The following TRIP6 variants were observed in gnomAD, a reference collection of about 807,000 sequenced individuals.
TRIP6 encodes the protein thyroid receptor-interacting protein 6.
A neutral mutation model predicts 51.9 loss-of-function variants in TRIP6; 33 were observed. The ratio of observed to expected loss-of-function variants is 0.64; its 90% CI spans 0.48 to 0.85. The LOEUF (loss-of-function observed/expected upper bound fraction) is 0.85. Among genes scored for constraint, TRIP6 ranks in the 40% least tolerant of loss-of-function variants. TRIP6 has a pLI of 0.00. For synonymous variants in TRIP6, 255 were observed against 275.8 expected (o/e 0.92, Z 0.75); for missense variants, 661 against 652.1 (o/e 1.01, Z -0.15).
Position 100,867,933 on chromosome 7 carries a change from C to T in TRIP6, c.182C>T (p.Pro61Leu), listed in dbSNP as rs768187129. The change falls in exon 2 of 9, where the codon CCG (proline) becomes CTG (leucine). Residue 61 changes from proline to leucine, a missense_variant. Physicochemically the swap from Pro to Leu is moderately conservative, Grantham distance 98. Transcript: ENST00000200457. The surrounding 1 kb of genome is among the most constrained non-coding windows in gnomAD (Gnocchi z 5.4). ...CAGTGTTACCAGGCCCCAGGGGGACCGGAGGATCGGGGGCCGGCGTGGGTG... is the reference window on the plus strand; with the variant it reads ...CAGTGTTACCAGGCCCCAGGGGGACTGGAGGATCGGGGGCCGGCGTGGGTG... ...SEQCYQAPGG[P>L]EDRGPAWVGS... is the part of the protein sequence containing the mutation. 9.9e-6 allele frequency: 15 copies of T among 1,515,470 alleles called. No homozygotes were observed. The highest frequency in any genetic ancestry group is 4.7e-5 in the East Asian group (2 of 42,782). 93.9% of individuals were successfully genotyped at this position (1,515,470 alleles called of 1,614,324 possible). A position where few individuals can be genotyped will look rare whatever the true frequency, so the allele number is the denominator to read the frequency against.
chr7:100,871,795 C>CT, intron 7 of TRIP6, 74 bp downstream of exon 7: 1 of 1,523,202 alleles, frequency 6.6e-7, no homozygotes, highest in Admixed American at 1.9e-5. Flanking sequence ...TGCCCCAGGA[C>CT]TGTCTCTTCC....
At chr7:100,868,078 G>A (rs1266134752) in intron 2 of TRIP6, 30 bp from the exon 3 acceptor site, 2 of 1,609,898 alleles carry the variant, frequency 1.2e-6, no homozygotes, top group African/African-American at 2.7e-5. Flanking sequence ...ATGGTGATTT[G>A]CATTCTTCCT....
chr7:100,867,445 G>T lies in TRIP6; in HGVS notation c.-53G>T. The T allele has an allele frequency of 7.6e-7, 1 of 1,311,062 alleles. No homozygotes were observed. The allele number at this position is 1,311,062 out of a possible 1,614,324, so 81.2% of individuals were successfully genotyped here. Reference sequence around the variant, plus strand: ...GGTGCGGGACGGAAGAGGGGGTGAAGGCCAGAGGCTCGGGGCTTCAAGACC... The same window carrying T: ...GGTGCGGGACGGAAGAGGGGGTGAATGCCAGAGGCTCGGGGCTTCAAGACC... On this transcript the variant is annotated 5_prime_UTR_variant, in exon 1 of 9. It adds an upstream start codon to the 5' untranslated region. Transcript: ENST00000200457. The surrounding 1 kb of genome is among the most constrained non-coding windows in gnomAD (Gnocchi z 5.4).
At chr7:100,868,968 C>T in intron 4 of TRIP6, 102 bp downstream of exon 4, 2 of 1,362,932 alleles carry the variant, frequency 1.5e-6, no homozygotes, top group Non-Finnish European at 1.9e-6. Context: ...TTTTTTGAGA[C>T]AGAGTTTTGC....
Position 100,870,370 on chromosome 7 carries a change from G to A in TRIP6, c.736G>A (p.Val246Met), listed in dbSNP as rs1384160944. Residue 246 changes from valine (V) to methionine (M), a missense_variant and splice_region_variant, in exon 5 of 9, where the codon GTG (valine) becomes ATG (methionine). Val to Met is a conservative substitution (Grantham distance 21). Coordinates refer to ENST00000200457, the MANE Select transcript of TRIP6 (RefSeq NM_003302.3). ...RGRGGEHGPQ[V>M]PLSQPPEDEL... Reference sequence around the variant, plus strand: ...ACCGAGCCCGATTCCCACCTTCCAGGTGCCCCTGAGCCAGCCTCCAGAGGA... The same window carrying A: ...ACCGAGCCCGATTCCCACCTTCCAGATGCCCCTGAGCCAGCCTCCAGAGGA... The A allele has an allele frequency of 1.9e-6, 3 of 1,611,648 alleles. No individual in the cohort carries two copies.
At chr7:100,871,065 G>A in intron 6 of TRIP6, 3 of 526,268 alleles carry the variant, frequency 5.7e-6, no homozygotes, top group Admixed American at 2.3e-5. Context: ...AGACAGTCTC[G>A]CTCTGTTGCG....
chr7:100,871,879 A>G (rs1584719866), intron 7 of TRIP6, among the ~76,000 whole-genome samples, 158 bp downstream of exon 7: 1 of 152,192 alleles, frequency 6.6e-6, no homozygotes, highest in Non-Finnish European at 1.5e-5. Context: ...TCTGTTGCCC[A>G]GGCAGGAGTG....
chr7:100,867,905 G>C lies in TRIP6; in HGVS notation c.154G>C (p.Glu52Gln). The C allele has an allele frequency of 6.5e-7, 1 of 1,529,362 alleles. No homozygotes were observed. Among genetic ancestry groups the C allele is most frequent in the Non-Finnish European group, 8.7e-7 (1 of 1,146,788 alleles). The allele number at this position is 1,529,362 out of a possible 1,614,324, so 94.7% of individuals were successfully genotyped here. The change falls in exon 2 of 9, where the codon GAG (glutamate) becomes CAG (glutamine). Residue 52 changes from glutamate (E) to glutamine (Q), a missense_variant. Glu to Gln is a conservative substitution (Grantham distance 29, BLOSUM62 2). Coordinates refer to ENST00000200457, the MANE Select transcript of TRIP6 (RefSeq NM_003302.3). This position sits in a 1 kb window ranked among gnomAD's most constrained non-coding sequence, Gnocchi z 5.4. The stretch of plus-strand genomic sequence containing the variant: ...GGTCAATTTTTGCCCCCTTCCATCT[G>C]AGCAGTGTTACCAGGCCCCAGGGGG... ...PRVNFCPLPS[E>Q]QCYQAPGGPE...
chr7:100,869,719 G>GGCCA (rs898640253), intron 4 of TRIP6, among the ~76,000 whole-genome samples: 1 of 147,474 alleles, frequency 6.8e-6, no homozygotes, highest in Non-Finnish European at 1.5e-5. Flanking sequence ...GGAACTGCCT[G>GGCCA]GCCACCTTCA....
chr7:100,871,031 GGTTTT>G (rs377709455), intron 6 of TRIP6: 9,016 of 613,796 alleles, frequency 0.015, 122 homozygotes, highest in South Asian at 0.018. Context: ...ACTGATTCCT[GGTTTT>G]GTTTTTTGTT....
intron 4 of TRIP6, among the ~76,000 whole-genome samples, chr7:100,869,545 T>G (rs1283244479): frequency 1.4e-5 from 2 of 143,040 alleles, no homozygotes; most frequent in African/African-American, 5.3e-5. Context: ...GGCAGGAGAA[T>G]CACTTGAACC....
In TRIP6 at chr7:100,867,869, C is replaced by A; in HGVS notation, c.118C>A (p.Pro40Thr). The part of the protein sequence containing the change: ...PPPAHGAALQ[P>T]HPRVNFCPLP... ...CTCTTCCCTCAACCCAGCACTCCAG[C>A]CCCACCCCAGGGTCAATTTTTGCCC... is the stretch of plus-strand genomic sequence containing the variant. Residue 40 changes from proline to threonine, a missense_variant, in exon 2 of 9, where the codon CCC (proline) becomes ACC (threonine). Coordinates refer to ENST00000200457, the MANE Select transcript of TRIP6 (RefSeq NM_003302.3). This position sits in a 1 kb window ranked among gnomAD's most constrained non-coding sequence, Gnocchi z 5.4. 6.5e-7 allele frequency: 1 copy of A among 1,536,630 alleles called. No individual in the cohort carries two copies. The highest frequency in any genetic ancestry group is 1.3e-5 in the South Asian group (1 of 76,350).
chr7:100,872,490 G>A (rs1198836394), intron 7 of TRIP6, 134 bp from the exon 8 acceptor site: 19 of 1,362,358 alleles, frequency 1.4e-5, no homozygotes, highest in Middle Eastern at 2.7e-4. Flanking sequence ...CTTTGACATC[G>A]TCCCTTCCCC....
Position 100,867,496 on chromosome 7 carries a change from C to A in TRIP6, c.-2C>A. ...GCTGTCTGGAGTCCCCCTTTCCAGG[C>A]CATGTCGGGGCCCACCTGGCTGCCC... On this transcript the variant is annotated 5_prime_UTR_variant, in exon 1 of 9. Transcript: ENST00000200457. This position sits in a 1 kb window ranked among gnomAD's most constrained non-coding sequence, Gnocchi z 5.4. The A allele has an allele frequency of 2.7e-6, 4 of 1,480,018 alleles. No individual in the cohort carries two copies. The highest frequency in any genetic ancestry group is 3.6e-6 in the Non-Finnish European group (4 of 1,116,086). The allele number at this position is 1,480,018 out of a possible 1,614,324, so 91.7% of individuals were successfully genotyped here. A position where few individuals can be genotyped will look rare whatever the true frequency, so the allele number is the denominator to read the frequency against.
intron 6 of TRIP6, among the ~76,000 whole-genome samples, 165 bp from the exon 7 acceptor site, chr7:100,871,378 C>G (rs913763737): frequency 2.6e-5 from 4 of 152,178 alleles, no homozygotes; most frequent in African/African-American, 9.7e-5. Context: ...GTGTATAGTG[C>G]TGGGACCTGA....
At position 100,867,580 on chromosome 7, in the gene TRIP6, C is replaced by T. The variant is rs756383804; in HGVS notation, c.83C>T (p.Pro28Leu). Residue 28 changes from proline (P) to leucine (L), a missense_variant, in exon 1 of 9, where the codon CCG becomes CTG. By Grantham distance (98) the Pro-to-Leu change is moderately conservative (BLOSUM62 -3). Coordinates refer to ENST00000200457, the MANE Select transcript of TRIP6 (RefSeq NM_003302.3). The surrounding 1 kb of genome is among the most constrained non-coding windows in gnomAD (Gnocchi z 5.4). ...GGGAGGGCGATCCCCCGCGGCACCC[C>T]GGGGCCACCACCGGCCCACGGAGCA... Reference protein sequence around the residue: ...PQGRAIPRGTPGPPPAHGAAL... With the variant: ...PQGRAIPRGTLGPPPAHGAAL... The T allele has an allele frequency of 4.5e-6, 7 of 1,539,682 alleles. No individual in the cohort carries two copies. The highest frequency in any genetic ancestry group is 3.6e-5 in the South Asian group (3 of 84,184).
Position 100,868,787 on chromosome 7 carries a change from C to T in TRIP6, c.656C>T (p.Pro219Leu). 6.5e-7 allele frequency: 1 copy of T among 1,527,764 alleles called. No individual in the cohort carries two copies. The highest frequency in any genetic ancestry group is 8.8e-7 in the Non-Finnish European group (1 of 1,142,294). 94.6% of individuals were successfully genotyped at this position (1,527,764 alleles called of 1,614,324 possible). ...CCTGGCTATAGGAGCCAGAGAGAGC[C>T]AGGGCCAGGGGCCAAAGAGGAAGCT... ...WGPGYRSQRE[P>L]GPGAKEEAAG... The change falls in exon 4 of 9, where the codon CCA becomes CTA. Residue 219 changes from proline (P) to leucine (L), a missense_variant. By Grantham distance (98) the Pro-to-Leu change is moderately conservative (BLOSUM62 -3). Transcript: ENST00000200457.
chr7:100,871,680 G>C lies in TRIP6; in HGVS notation c.1137G>C (p.Val379=), dbSNP rs1815274497. ...HRGLDGIPFT[V]DATSQIHCIE... ...GCCTCGACGGCATCCCCTTCACAGT[G>C]GATGCTACGAGCCAGATCCACTGCA... The change falls in exon 7 of 9, where the codon GTG becomes GTC. Residue 379 remains valine, a synonymous_variant. Transcript: ENST00000200457. 1 of 1,613,956 alleles carries C rather than the reference G, an allele frequency of 6.2e-7. No homozygotes were observed. The highest frequency in any genetic ancestry group is 1.3e-5 in the African/African-American group (1 of 74,942).
intron 4 of TRIP6, 30 bp from the exon 5 acceptor site, chr7:100,870,340 G>C (rs374425421): frequency 2.6e-4 from 375 of 1,463,542 alleles, no homozygotes; most frequent in Non-Finnish European, 3.3e-4. Context: ...AGGAGCTAGA[G>C]TAGGACCGAG....
Sources: allele counts gnomAD v4.1 joint callset (sites outside exome capture counted in the v4.1 genomes callset), GRCh38; gene constraint gnomAD v4.1.1; non-coding constraint Gnocchi (gnomAD v3.1); transcripts MANE v1.5; gene names NCBI Gene and HGNC (gene_info 2026-07-23, HGNC 2026-07-21).